DENND5B: variants seen among roughly 807,000 people sequenced by gnomAD.
The protein encoded by DENND5B is DENN domain containing 5B, also known as DENN domain-containing protein 5B.
In DENND5B, 34 loss-of-function variants were observed where a neutral mutation model predicts 140.6. That is an observed-to-expected ratio of 0.24 (90% CI 0.18 to 0.32). DENND5B has a LOEUF of 0.32. Among genes scored for constraint, DENND5B ranks in the 10% least tolerant of loss-of-function variants. DENND5B has a pLI of 1.00. For missense variants in DENND5B, 1,142 were observed against 1,560.2 expected (o/e 0.73, Z 4.52); for synonymous variants, 551 against 562.1 (o/e 0.98, Z 0.28).
At chr12:31,405,830 G>T (rs1245127472) in intron 14 of DENND5B, among the ~76,000 whole-genome samples, 2 of 151,362 alleles carry the variant, frequency 1.3e-5, no homozygotes, top group Non-Finnish European at 2.9e-5. Flanking sequence ...ACAGGTGTGA[G>T]CCATCGCACC....
At chr12:31,462,592 A>T (rs1275496411) in intron 3 of DENND5B, among the ~76,000 whole-genome samples, 1 of 152,132 alleles carries the variant, frequency 6.6e-6, no homozygotes, top group Admixed American at 6.6e-5. Flanking sequence ...CCCAGTGCTG[A>T]CTAAAATTTA....
chr12:31,451,981 A>T lies in DENND5B; in HGVS notation c.1588T>A (p.Ser530Thr), dbSNP rs1565591922. 2.5e-6 allele frequency: 4 copies of T among 1,613,588 alleles called. No homozygotes were observed. The highest frequency in any genetic ancestry group is 3.4e-6 in the Non-Finnish European group (4 of 1,179,836). The change falls in exon 5 of 21, where the codon TCC becomes ACC. Residue 530 changes from serine (S) to threonine (T), a missense_variant. By Grantham distance (58) the Ser-to-Thr change is moderately conservative (BLOSUM62 1). This residue lies in a region of DENND5B where 708 missense variants were observed against 905.5 expected (regional missense o/e 0.78). Transcript: ENST00000389082. Reference protein sequence around the residue: ...FVIQTAQDMESWLTNREQMQN... With the variant: ...FVIQTAQDMETWLTNREQMQN... ...ATCTGTTCCCGGTTGGTCAGCCAGG[A>T]TTCCATGTCCTGGGCAGTCTGAATG...
At chr12:31,393,652 C>G (rs928929914) in intron 17 of DENND5B, among the ~76,000 whole-genome samples, 1 of 152,140 alleles carries the variant, frequency 6.6e-6, no homozygotes, top group African/African-American at 2.4e-5. Flanking sequence ...TTAAGAATCT[C>G]TGAATTCATA....
intron 6 of DENND5B, among the ~76,000 whole-genome samples, chr12:31,443,619 T>C (rs777263155): frequency 6.6e-6 from 1 of 152,140 alleles, no homozygotes; most frequent in Non-Finnish European, 1.5e-5. Context: ...GCAAATAAAA[T>C]ATTTTTCTTG....
intron 1 of DENND5B, among the ~76,000 whole-genome samples, chr12:31,525,856 G>A (rs1948067348): frequency 6.6e-6 from 1 of 152,080 alleles, no homozygotes; most frequent in Non-Finnish European, 1.5e-5. Context: ...GGCCAGGTGT[G>A]GTAGCAAGTG....
chr12:31,548,411 A>G lies in DENND5B; in HGVS notation c.127+42295T>C, dbSNP rs73086484. Among the ~76,000 whole-genome samples the G allele has an allele frequency of 3.9e-3, 445 of 113,938 alleles. 2 individuals are homozygous for G. The highest frequency in any genetic ancestry group is 5.9e-3 in the Non-Finnish European group (315 of 53,240). The allele number at this position is 113,938 out of a possible 152,430, so 74.7% of individuals were successfully genotyped here. ...AAAAACAAAAAAAAAAGAAGAAGAAAAAAAAAAGAATTTAAGCGACTCTCT... is the reference window on the plus strand; with the variant it reads ...AAAAACAAAAAAAAAAGAAGAAGAAGAAAAAAAGAATTTAAGCGACTCTCT... On this transcript the variant is annotated intron_variant, in intron 1 of 20. Transcript: ENST00000389082.
chr12:31,383,494 A>C lies in DENND5B; in HGVS notation c.*4109T>G, dbSNP rs192010419. ...AAGTTCATTAAAATAATTTTTTAAA[A>C]AGCCATGTGAAAGTAAATACCACAA... is the stretch of plus-strand genomic sequence containing the variant. On this transcript the variant is annotated 3_prime_UTR_variant, in exon 21 of 21. Transcript: ENST00000389082. 1 of 152,350 alleles carries C rather than the reference A, an allele frequency of 6.6e-6. No individual in the cohort carries two copies. Among genetic ancestry groups the C allele is most frequent in the East Asian group, 1.9e-4 (1 of 5,192 alleles). The allele number at this position is 152,350 out of a possible 1,614,324, so 9.4% of individuals were successfully genotyped here. A position where few individuals can be genotyped will look rare whatever the true frequency, so the allele number is the denominator to read the frequency against.
chr12:31,408,698 A>C (rs1035909934), intron 14 of DENND5B, among the ~76,000 whole-genome samples: 1 of 151,808 alleles, frequency 6.6e-6, no homozygotes, highest in Non-Finnish European at 1.5e-5. Flanking sequence ...GTCCAATTGC[A>C]TAAGTTTATT....
chr12:31,581,901 T>C (rs1950220772), intron 1 of DENND5B, among the ~76,000 whole-genome samples: 1 of 152,162 alleles, frequency 6.6e-6, no homozygotes, highest in Admixed American at 6.5e-5. Flanking sequence ...ACAGATAACA[T>C]ACGCACATTC....
intron 17 of DENND5B, among the ~76,000 whole-genome samples, chr12:31,394,395 T>A (rs1191196136): frequency 1.3e-5 from 2 of 152,162 alleles, no homozygotes; most frequent in East Asian, 3.8e-4. Context: ...TAAAAGCCTC[T>A]CAGATAATAC....
At chr12:31,551,309 T>C (rs1028030090) in intron 1 of DENND5B, among the ~76,000 whole-genome samples, 2 of 152,208 alleles carry the variant, frequency 1.3e-5, no homozygotes, top group African/African-American at 4.8e-5. Flanking sequence ...GCACCATTTA[T>C]TAAATAGGGA....
intron 2 of DENND5B, among the ~76,000 whole-genome samples, chr12:31,489,155 C>T (rs1946422664): frequency 6.6e-6 from 1 of 152,110 alleles, no homozygotes; most frequent in Non-Finnish European, 1.5e-5. Context: ...TGGAGCAATA[C>T]GTTATACCAT....
intron 12 of DENND5B, 50 bp from the exon 13 acceptor site, chr12:31,413,614 A>C (rs1338598113): frequency 6.4e-7 from 1 of 1,573,900 alleles, no homozygotes; most frequent in Non-Finnish European, 8.6e-7. Context: ...GATAACCCTG[A>C]CTAGAAAAGA....
chr12:31,430,085 T>G (rs1213182916), intron 8 of DENND5B, among the ~76,000 whole-genome samples: 1 of 151,768 alleles, frequency 6.6e-6, no homozygotes, highest in Non-Finnish European at 1.5e-5. Context: ...TGCAGCGGCA[T>G]GATCTCAGCT....
intron 4 of DENND5B, among the ~76,000 whole-genome samples, chr12:31,455,338 T>C (rs1385855880): frequency 6.6e-6 from 1 of 152,158 alleles, no homozygotes; most frequent in Non-Finnish European, 1.5e-5. Context: ...GAGCTGAGTG[T>C]ACTACAAAGT....
At chr12:31,393,963 T>C (rs1941293145) in intron 17 of DENND5B, among the ~76,000 whole-genome samples, 1 of 152,200 alleles carries the variant, frequency 6.6e-6, no homozygotes, top group African/African-American at 2.4e-5. Context: ...GTGCTGGGAT[T>C]ACAGGCGTAA....
intron 1 of DENND5B, among the ~76,000 whole-genome samples, chr12:31,567,647 G>C (rs1213406462): frequency 6.6e-6 from 1 of 151,060 alleles, no homozygotes; most frequent in Non-Finnish European, 1.5e-5. Context: ...TTTTGAGCAA[G>C]CCACTCCTTT....
chr12:31,585,695 A>G lies in DENND5B; in HGVS notation c.127+5011T>C, dbSNP rs141420364. 3.7e-3 allele frequency among the ~76,000 whole-genome samples: 570 copies of G among 152,348 alleles called. 5 individuals are homozygous for G. The highest frequency in any genetic ancestry group is 0.013 in the African/African-American group (537 of 41,580). On this transcript the variant is annotated intron_variant, in intron 1 of 20. Coordinates refer to ENST00000389082, the MANE Select transcript of DENND5B (RefSeq NM_144973.4). ...AGGTCCCTTCAAGAACTAACGTGAC[A>G]TGATATTCTGTCAGTCTTGACTAAA...
intron 1 of DENND5B, among the ~76,000 whole-genome samples, chr12:31,516,217 G>A (rs188159432): frequency 3.3e-4 from 50 of 151,952 alleles, no homozygotes; most frequent in African/African-American, 9.6e-4. Context: ...ACGGTGGCTC[G>A]CGTCTGTTAG....
Sources: gnomAD v4.1 joint callset for allele counts (sites outside exome capture counted in the v4.1 genomes callset) on GRCh38, gnomAD v4.1.1 for gene constraint, gnomAD v4.1.1 regional missense constraint, MANE v1.5 for transcripts, NCBI Gene and HGNC (gene_info 2026-07-23, HGNC 2026-07-21) for gene names.